The following SLC12A3 variants were observed in gnomAD, a reference collection of about 807,000 sequenced individuals.
SLC12A3 encodes the protein solute carrier family 12 member 3.
In SLC12A3, 104 loss-of-function variants were observed where a neutral mutation model predicts 121.0. The observed-to-expected ratio is 0.86, with a 90% CI of 0.73 to 1.01. SLC12A3 has a LOEUF of 1.01. Ranked by LOEUF, SLC12A3 falls within the 50% of genes least tolerant of loss-of-function variation. The pLI, the probability that SLC12A3 is intolerant of heterozygous loss-of-function variation, is 0.00. For missense variants in SLC12A3, 1,328 were observed against 1,356.3 expected (o/e 0.98, Z 0.33); for synonymous variants, 536 against 533.4 (o/e 1.00, Z -0.07).
chr16:56,876,628 T>C (rs2055167380), intron 8 of SLC12A3, among the ~76,000 whole-genome samples: 1 of 152,156 alleles, frequency 6.6e-6, no homozygotes. Context: ...AGACTCCAGC[T>C]CTACACCTCT....
chr16:56,890,962 A>C (rs1055124098), intron 19 of SLC12A3, among the ~76,000 whole-genome samples: 1 of 151,820 alleles, frequency 6.6e-6, no homozygotes, highest in Non-Finnish European at 1.5e-5. Context: ...AAATGCCTGC[A>C]GGAAGATGCC....
chr16:56,889,589 T>A (rs566449131), intron 18 of SLC12A3, among the ~76,000 whole-genome samples: 2 of 152,296 alleles, frequency 1.3e-5, no homozygotes, highest in African/African-American at 2.4e-5. Context: ...CAATTCTCCC[T>A]CAGTCTCCCA....
At position 56,868,239 on chromosome 16, in the gene SLC12A3, T is replaced by G. The variant is rs1964404709; in HGVS notation, c.430-58T>G. 26 of 1,535,486 alleles carry G rather than the reference T, an allele frequency of 1.7e-5. No homozygotes were observed. The South Asian group carries it at 2.3e-4, about 14-fold the overall frequency. On this transcript the variant is annotated intron_variant, in intron 2 of 25. Coordinates refer to ENST00000563236, the MANE Select transcript of SLC12A3 (RefSeq NM_001126108.2). ...CCCTGCCATAGCAAGGGACAGGGACTTGTCGTTTGGCCTTGGGGTGTCCAC... is the reference window on the plus strand; with the variant it reads ...CCCTGCCATAGCAAGGGACAGGGACGTGTCGTTTGGCCTTGGGGTGTCCAC...
chr16:56,888,707 C>T (rs1267482683), intron 18 of SLC12A3, among the ~76,000 whole-genome samples: 2 of 151,694 alleles, frequency 1.3e-5, no homozygotes, highest in East Asian at 1.9e-4. Flanking sequence ...TACAGGCGCC[C>T]GCCACCACGC....
Position 56,867,088 on chromosome 16 carries a change from C to A in SLC12A3, c.301C>A (p.His101Asn), listed in dbSNP as rs200783338. Residue 101 changes from histidine to asparagine, a missense_variant, in exon 2 of 26, where the codon CAT (histidine) becomes AAT (asparagine). Physicochemically the swap from His to Asn is moderately conservative, Grantham distance 68. Coordinates refer to ENST00000563236, the MANE Select transcript of SLC12A3 (RefSeq NM_001126108.2). The stretch of plus-strand genomic sequence containing the variant: ...CTGCCAGCAGGAAGGCAGACACCTG[C>A]ATGCCCTGGCCTTTGACAGCCGGCC... ...SFLKQEGRHL[H>N]ALAFDSRPSH... 10 of 1,613,556 alleles carry A rather than the reference C, an allele frequency of 6.2e-6. No individual in the cohort carries two copies. Among genetic ancestry groups the A allele is most frequent in the Middle Eastern group, 3.3e-4 (2 of 6,062 alleles).
chr16:56,913,117 G>C (rs549203458), intron 25 of SLC12A3, 147 bp from the exon 26 acceptor site: 50 of 994,662 alleles, frequency 5.0e-5, no homozygotes, highest in Non-Finnish European at 7.1e-5. Context: ...AGGTTTGTGC[G>C]GAAAGTGGGG....
intron 25 of SLC12A3, among the ~76,000 whole-genome samples, chr16:56,912,481 T>C (rs2055699218): frequency 6.6e-6 from 1 of 152,116 alleles, no homozygotes; most frequent in African/African-American, 2.4e-5. Flanking sequence ...ACAAAGACGC[T>C]GAGCTGGACA....
chr16:56,902,531 G>GGGCC, intron 24 of SLC12A3, 23 bp downstream of exon 24: 10 of 714,484 alleles, frequency 1.4e-5, no homozygotes, highest in East Asian at 4.1e-5. Context: ...GTGGGGGTGG[G>GGGCC]AAACGCGACA....
intron 20 of SLC12A3, 90 bp from the exon 21 acceptor site, chr16:56,892,863 C>A: frequency 1.0e-6 from 1 of 1,004,518 alleles, no homozygotes; most frequent in Non-Finnish European, 1.6e-6. Context: ...CCGTGTTCAA[C>A]ATCAGAAGGG....
chr16:56,875,136 C>T (rs567120499), intron 8 of SLC12A3, among the ~76,000 whole-genome samples: 34 of 115,066 alleles, frequency 3.0e-4, no homozygotes, highest in Admixed American at 1.4e-3. Context: ...GGATGAGGCC[C>T]GCGCGCCTGC....
chr16:56,902,739 C>G lies in SLC12A3; in HGVS notation c.2856+231C>G, dbSNP rs140650555. ...GGTCCTCCTGCCCATCTTGAGTGAG[C>G]TCTGGCAGTGGGCTTGACTGCCCGG... On this transcript the variant is annotated intron_variant, in intron 24 of 25. Coordinates refer to ENST00000563236, the MANE Select transcript of SLC12A3 (RefSeq NM_001126108.2). Among the ~76,000 whole-genome samples, 688 of 152,086 alleles carry G rather than the reference C, an allele frequency of 4.5e-3. 8 individuals are homozygous for G. Among genetic ancestry groups the G allele is most frequent in the African/African-American group, 0.016 (661 of 41,394 alleles).
intron 22 of SLC12A3, 72 bp downstream of exon 22, chr16:56,894,714 C>A: frequency 8.5e-7 from 1 of 1,171,328 alleles, no homozygotes; most frequent in South Asian, 1.3e-5. Flanking sequence ...AAGGCTGTCC[C>A]CTACCCTAGA....
rs1250940421 is a variant in SLC12A3, at chr16:56,882,454, C to T, written c.1626C>T (p.Leu542=). 1 of 1,614,046 alleles carries T rather than the reference C, an allele frequency of 6.2e-7. No homozygotes were observed. The highest frequency in any genetic ancestry group is 8.5e-7 in the Non-Finnish European group (1 of 1,180,040). The change falls in exon 13 of 26, where the codon CTC becomes CTT. Residue 542 remains leucine (L), a synonymous_variant. Transcript: ENST00000563236. ...ISNFFLCSYA[L]INFSCFHASI... is the part of the protein sequence containing the mutation. ...ACTTCTTCCTCTGCTCCTATGCCCT[C>T]ATCAACTTCAGCTGCTTCCACGCCT... is the stretch of plus-strand genomic sequence containing the variant.
chr16:56,867,244 G>A, intron 2 of SLC12A3, 28 bp downstream of exon 2: 1 of 1,585,724 alleles, frequency 6.3e-7, no homozygotes, highest in Non-Finnish European at 8.6e-7. Flanking sequence ...GGTGCGTGAT[G>A]TCCAGAAATG....
intron 1 of SLC12A3, among the ~76,000 whole-genome samples, chr16:56,865,785 G>C (rs1430822064): frequency 6.6e-6 from 1 of 152,114 alleles, no homozygotes; most frequent in Non-Finnish European, 1.5e-5. Context: ...ATGCAAGCAG[G>C]TTGCACACCC....
chr16:56,869,791 T>G lies in SLC12A3; in HGVS notation c.568T>G (p.Ser190Ala). ...TVTSITGLSI[S>A]AISTNGKVKS... ...GACCTCCATCACAGGCCTCTCCATC[T>G]CAGCCATCTCCACCAATGGCAAGGT... The change falls in exon 4 of 26, where the codon TCA becomes GCA. Residue 190 changes from serine to alanine, a missense_variant. By Grantham distance (99) the Ser-to-Ala change is moderately conservative. Coordinates refer to ENST00000563236, the MANE Select transcript of SLC12A3 (RefSeq NM_001126108.2). 1 of 1,614,146 alleles carries G rather than the reference T, an allele frequency of 6.2e-7. No homozygotes were observed. The highest frequency in any genetic ancestry group is 1.6e-4 in the Middle Eastern group (1 of 6,062).
At position 56,913,714 on chromosome 16, in the gene SLC12A3, G is replaced by C. The variant is rs899564957; in HGVS notation, c.*309G>C. 11 of 396,908 alleles carry C rather than the reference G, an allele frequency of 2.8e-5. No individual in the cohort carries two copies. The highest frequency in any genetic ancestry group is 2.1e-4 in the African/African-American group (10 of 48,602). The allele number at this position is 396,908 out of a possible 1,614,324, so 24.6% of individuals were successfully genotyped here. On this transcript the variant is annotated 3_prime_UTR_variant, in exon 26 of 26. Coordinates refer to ENST00000563236, the MANE Select transcript of SLC12A3 (RefSeq NM_001126108.2). ...TTGATGACCATTAATTAAGAGTTCA[G>C]TCTTTGATTTGTATGCAAATTGGAG...
rs559724728 is a variant in SLC12A3 at position 56,870,171 on chromosome 16, C to A, written c.677C>A (p.Ala226Asp). ...GGSIGLIFAFANAVGVAMHTV... is the reference protein window; with the variant it reads ...GGSIGLIFAFDNAVGVAMHTV... ...TCCATCGGCCTCATTTTCGCTTTCGCCAATGCCGTGGGTGTGGCCATGCAC... is the reference window on the plus strand; with the variant it reads ...TCCATCGGCCTCATTTTCGCTTTCGACAATGCCGTGGGTGTGGCCATGCAC... Residue 226 changes from alanine to aspartate, a missense_variant, in exon 5 of 26, where the codon GCC becomes GAC. Transcript: ENST00000563236. 1.2e-6 allele frequency: 2 copies of A among 1,614,106 alleles called. No homozygotes were observed. The highest frequency in any genetic ancestry group is 1.3e-5 in the African/African-American group (1 of 75,068).
chr16:56,894,506 G>T, intron 21 of SLC12A3, 25 bp from the exon 22 acceptor site: 1 of 1,540,290 alleles, frequency 6.5e-7, no homozygotes, highest in South Asian at 1.1e-5. Flanking sequence ...TTCTTGTCAT[G>T]ACTCACGGGG....
Sources: allele counts gnomAD v4.1 joint callset (sites outside exome capture counted in the v4.1 genomes callset), GRCh38; gene constraint gnomAD v4.1.1; transcripts MANE v1.5; gene names NCBI Gene and HGNC (gene_info 2026-07-23, HGNC 2026-07-21).